Variants in SRSF7 observed in about 807,000 individuals in gnomAD.
SRSF7 encodes the protein serine and arginine rich splicing factor 7.
Under a neutral mutation model 42.2 loss-of-function variants are expected in SRSF7, and 15 were observed. The ratio of observed to expected loss-of-function variants is 0.36; its 90% CI spans 0.24 to 0.55. SRSF7 has a LOEUF of 0.55. SRSF7 is among the 20% of genes least tolerant of loss of function. SRSF7 has a pLI of 0.88. For synonymous variants in SRSF7, 138 were observed against 107.9 expected (o/e 1.28, Z -1.73); for missense variants, 181 against 305.9 (o/e 0.59, Z 3.04).
intron 1 of SRSF7, 94 bp downstream of exon 1, chr2:38,751,135 G>A (rs1668288912): frequency 1.2e-5 from 19 of 1,546,030 alleles, no homozygotes; most frequent in South Asian, 1.0e-4. Context: ...TACGCACGCG[G>A]AATAACCGTC....
In SRSF7 at chr2:38,751,347, T is replaced by TAG; in HGVS notation, c.-92_-91insCT. ...GACACACACCTTCACCCGCCAAGAGTCCCGGCGGCACTACGAGGAAGAGCC... is the reference window on the plus strand; with the variant it reads ...GACACACACCTTCACCCGCCAAGAGTAGCCCGGCGGCACTACGAGGAAGAGCC... On this transcript the variant is annotated 5_prime_UTR_variant, in exon 1 of 8. Transcript: ENST00000313117. The TAG allele has an allele frequency of 1.3e-6, 2 of 1,583,444 alleles. No individual in the cohort carries two copies. Among genetic ancestry groups the TAG allele is most frequent in the Non-Finnish European group, 1.7e-6 (2 of 1,155,528 alleles).
chr2:38,751,000 G>C (rs1456653346), intron 1 of SRSF7: 2 of 552,570 alleles, frequency 3.6e-6, no homozygotes, highest in South Asian at 2.0e-5. Context: ...CTTTAGGCTG[G>C]ATTGGGCCAC....
intron 3 of SRSF7, 81 bp downstream of exon 3, chr2:38,749,444 TAGAA>T (rs1276979818): frequency 1.3e-6 from 2 of 1,554,580 alleles, no homozygotes; most frequent in Non-Finnish European, 1.7e-6. Context: ...TTCAAGTTTA[TAGAA>T]AAACACTAGT....
Position 38,751,052 on chromosome 2 carries a change from C to T in SRSF7, c.28+177G>A, listed in dbSNP as rs1265506616. ...ACGGAACTCGGCAGAGATGTACACC[C>T]GCCATCCCGTCTCCCTTCAGCACCC... On this transcript the variant is annotated intron_variant, in intron 1 of 7. Transcript: ENST00000313117. The T allele has an allele frequency of 1.3e-4, 92 of 735,354 alleles. No individual in the cohort carries two copies. The East Asian group carries it at 2.2e-3, about 18-fold the overall frequency. 45.6% of individuals were successfully genotyped at this position (735,354 alleles called of 1,614,324 possible).
chr2:38,743,898 GTTTT>G lies in SRSF7; in HGVS notation c.*1231_*1234del. 1.3e-5 allele frequency: 2 copies of G among 148,310 alleles called. No homozygotes were observed. The highest frequency in any genetic ancestry group is 5.0e-5 in the African/African-American group (2 of 40,334). The allele number at this position is 148,310 out of a possible 1,614,324, so 9.2% of individuals were successfully genotyped here. ...GCCTAGGTATCTGCGCAACCAGCAG[GTTTT>G]TTTTTTTTTGTACCAAGGCTAGAGA... On this transcript the variant is annotated 3_prime_UTR_variant, in exon 8 of 8. Transcript: ENST00000313117.
chr2:38,745,964 A>T (rs1025698006), intron 7 of SRSF7, among the ~76,000 whole-genome samples, 180 bp downstream of exon 7: 1 of 152,220 alleles, frequency 6.6e-6, no homozygotes, highest in Non-Finnish European at 1.5e-5. Flanking sequence ...ATTTCCAGCA[A>T]AAGTATAAAC....
chr2:38,747,193 C>T (rs1000687535), intron 5 of SRSF7: 23 of 411,190 alleles, frequency 5.6e-5, no homozygotes, highest in African/African-American at 1.9e-4. Context: ...TAAGGCCAGA[C>T]GAAAAGAAAG....
intron 1 of SRSF7, 131 bp downstream of exon 1, chr2:38,751,098 T>C (rs1668279379): frequency 2.4e-6 from 3 of 1,230,900 alleles, no homozygotes; most frequent in Non-Finnish European, 3.6e-6. Flanking sequence ...GCCTCCGGCT[T>C]CGTCTGGCGT....
At chr2:38,747,769 A>G (rs1441975186) in intron 5 of SRSF7, among the ~76,000 whole-genome samples, 1 of 152,226 alleles carries the variant, frequency 6.6e-6, no homozygotes, top group Non-Finnish European at 1.5e-5. Flanking sequence ...TGAAGCCAGA[A>G]AAGTTTATAG....
chr2:38,751,294 C>T lies in SRSF7; in HGVS notation c.-38G>A. On this transcript the variant is annotated 5_prime_UTR_variant, in exon 1 of 8. Coordinates refer to ENST00000313117, the MANE Select transcript of SRSF7 (RefSeq NM_001031684.3). ...GCGTGCTCGGCTCTTTAGCAAGCAG[C>T]GCCCAGGGCTCGAGTGACGCAAAAG... The T allele has an allele frequency of 1.2e-6, 2 of 1,613,700 alleles. No homozygotes were observed. Among genetic ancestry groups the T allele is most frequent in the African/African-American group, 1.3e-5 (1 of 74,936 alleles).
chr2:38,750,797 C>T (rs529710872), intron 1 of SRSF7: 4 of 184,828 alleles, frequency 2.2e-5, no homozygotes, highest in Non-Finnish European at 4.6e-5. Flanking sequence ...CAATTTCGTT[C>T]TATCTCAAAC....
rs571845363 is a variant in SRSF7, at chr2:38,750,298, C to G, written c.29-104G>C. 7.9e-6 allele frequency: 8 copies of G among 1,012,540 alleles called. No individual in the cohort carries two copies. The Admixed American group carries it at 1.6e-4, about 21-fold the overall frequency. The allele number at this position is 1,012,540 out of a possible 1,614,324, so 62.7% of individuals were successfully genotyped here. A position where few individuals can be genotyped will look rare whatever the true frequency, so the allele number is the denominator to read the frequency against. On this transcript the variant is annotated intron_variant, in intron 1 of 7. Coordinates refer to ENST00000313117, the MANE Select transcript of SRSF7 (RefSeq NM_001031684.3). ...GGGCCATCCTCAAGATTGGGTAAAGCACATTTAATGCCCTCTATCCAAGAC... is the reference window on the plus strand; with the variant it reads ...GGGCCATCCTCAAGATTGGGTAAAGGACATTTAATGCCCTCTATCCAAGAC...
chr2:38,744,970 C>T lies in SRSF7; in HGVS notation c.*163G>A. The T allele has an allele frequency of 1.5e-6, 1 of 652,342 alleles. No individual in the cohort carries two copies. The highest frequency in any genetic ancestry group is 2.5e-6 in the Non-Finnish European group (1 of 405,248). The allele number at this position is 652,342 out of a possible 1,614,324, so 40.4% of individuals were successfully genotyped here. On this transcript the variant is annotated 3_prime_UTR_variant, in exon 8 of 8. Coordinates refer to ENST00000313117, the MANE Select transcript of SRSF7 (RefSeq NM_001031684.3). ...GACCATATGATGTTAATACATTCAA[C>T]AAAATTTATATTATCTTACTGCTGT... is the stretch of plus-strand genomic sequence containing the variant.
intron 1 of SRSF7, 148 bp downstream of exon 1, chr2:38,751,081 C>T (rs1668276459): frequency 9.7e-7 from 1 of 1,034,364 alleles, no homozygotes; most frequent in South Asian, 1.3e-5. Flanking sequence ...AGCACCCCGC[C>T]TCCGCTGCCT....
In SRSF7 at chr2:38,751,354, G is replaced by C; in HGVS notation, c.-98C>G. On this transcript the variant is annotated 5_prime_UTR_variant, in exon 1 of 8. Coordinates refer to ENST00000313117, the MANE Select transcript of SRSF7 (RefSeq NM_001031684.3). The stretch of plus-strand genomic sequence containing the variant: ...ACCTTCACCCGCCAAGAGTCCCGGC[G>C]GCACTACGAGGAAGAGCCCGGGTTC... The C allele has an allele frequency of 7.7e-6, 12 of 1,552,392 alleles. No homozygotes were observed. The highest frequency in any genetic ancestry group is 1.1e-5 in the South Asian group (1 of 89,400).
chr2:38,751,390 A>G (rs1042240009), upstream of SRSF7: 3 of 1,191,846 alleles, frequency 2.5e-6, no homozygotes, highest in Middle Eastern at 1.9e-4. Flanking sequence ...GCGTTTATAT[A>G]TGCGGCCGCT....
At chr2:38,746,216 AC>A (rs2148478803) in intron 6 of SRSF7, 37 bp from the exon 7 acceptor site, 2 of 1,610,096 alleles carry the variant, frequency 1.2e-6, no homozygotes, top group Admixed American at 1.7e-5. Flanking sequence ...AAGAAAGAGT[AC>A]TAACCAATCC....
At chr2:38,748,693 T>TA in intron 3 of SRSF7, 40 bp from the exon 4 acceptor site, 1 of 1,590,294 alleles carries the variant, frequency 6.3e-7, no homozygotes, top group East Asian at 2.2e-5. Context: ...TGTCAGACAA[T>TA]AACTCGTTTT....
At chr2:38,748,793 G>T in intron 3 of SRSF7, 140 bp from the exon 4 acceptor site, 1 of 1,194,214 alleles carries the variant, frequency 8.4e-7, no homozygotes. Context: ...CCTATTAGTT[G>T]TTGAGTATTT....
Sources: allele counts gnomAD v4.1 joint callset (sites outside exome capture counted in the v4.1 genomes callset), GRCh38; gene constraint gnomAD v4.1.1; transcripts MANE v1.5; gene names NCBI Gene and HGNC (gene_info 2026-07-23, HGNC 2026-07-21).